The following ZFP91 variants were observed in gnomAD, a reference collection of about 807,000 sequenced individuals.
ZFP91 encodes the protein ZFP91 zinc finger protein, atypical E3 ubiquitin ligase.
A neutral mutation model predicts 63.5 loss-of-function variants in ZFP91; 7 were observed. The observed-to-expected ratio is 0.11, with a 90% CI of 0.06 to 0.21. The LOEUF (loss-of-function observed/expected upper bound fraction) is 0.21. ZFP91 is among the 10% of genes least tolerant of loss of function. The pLI is 1.00. For synonymous variants in ZFP91, 330 were observed against 272.1 expected, an observed-to-expected ratio of 1.21 and a Z score of -2.10; for missense variants, 628 against 736.6, an observed-to-expected ratio of 0.85 and a Z score of 1.71.
rs1565028667 is a variant in ZFP91 at position 58,619,653 on chromosome 11, A to G, written c.*1947A>G. 6.6e-6 allele frequency: 1 copy of G among 152,636 alleles called. No homozygotes were observed. The highest frequency in any genetic ancestry group is 1.9e-4 in the East Asian group (1 of 5,198). 9.5% of individuals were successfully genotyped at this position (152,636 alleles called of 1,614,324 possible). On this transcript the variant is annotated 3_prime_UTR_variant, in exon 11 of 11. Transcript: ENST00000316059. ...CCAGGGAACAGAGAGTGAGACACCT[A>G]CAATCACCAGTCTCAAATGCGCTAT... is the stretch of plus-strand genomic sequence containing the variant.
Position 58,617,533 on chromosome 11 carries a change from G to A in ZFP91, c.1540G>A (p.Gly514Arg), listed in dbSNP as rs1228680760. 6 of 1,613,938 alleles carry A rather than the reference G, an allele frequency of 3.7e-6. No homozygotes were observed. In the African/African-American group the frequency reaches 4.0e-5, roughly 11 times the overall value. ...SGECLLLEAE[G>R]MSKSYCSGTE... ...AGAGTGCCTACTGTTAGAAGCTGAA[G>A]GGATGTCAAAGTCATACTGCAGTGG... Residue 514 changes from glycine (G) to arginine (R), a missense_variant, in exon 11 of 11, where the codon GGG becomes AGG. Around this residue, in one of 3 missense-constraint regions of ZFP91, gnomAD observed 115 missense variants for 125.4 expected, o/e 0.92. Coordinates refer to ENST00000316059, the MANE Select transcript of ZFP91 (RefSeq NM_053023.5). This position sits in a 1 kb window ranked among gnomAD's most constrained non-coding sequence, Gnocchi z 4.2.
chr11:58,615,254 A>G (rs900981185), intron 9 of ZFP91, among the ~76,000 whole-genome samples: 2 of 151,984 alleles, frequency 1.3e-5, no homozygotes, highest in African/African-American at 4.8e-5. Flanking sequence ...CAAAGTCTAC[A>G]GTTTTCTTAT....
rs1341129060 is a variant in ZFP91, at chr11:58,610,973, A to C, written c.641A>C (p.Glu214Ala). 6.2e-7 allele frequency: 1 copy of C among 1,612,520 alleles called. No individual in the cohort carries two copies. The highest frequency in any genetic ancestry group is 1.3e-5 in the African/African-American group (1 of 74,906). The stretch of plus-strand genomic sequence containing the variant: ...AGTAGTGAAGAGGAAGAGGAGGAGG[A>C]AGAAGAGATGTTAATCAGTGAAGAG... Reference protein sequence around the residue: ...GISSEEEEEEEEEMLISEEEI... With the variant: ...GISSEEEEEEAEEMLISEEEI... Residue 214 changes from glutamate (E) to alanine (A), a missense_variant, in exon 5 of 11, where the codon GAA (glutamate) becomes GCA (alanine). By Grantham distance (107) the Glu-to-Ala change is moderately radical. Coordinates refer to ENST00000316059, the MANE Select transcript of ZFP91 (RefSeq NM_053023.5).
In ZFP91 at chr11:58,618,704, G is replaced by C. The variant is rs3168135; in HGVS notation, c.*998G>C. 2.2e-6 allele frequency: 1 copy of C among 456,536 alleles called. No homozygotes were observed. Among genetic ancestry groups the C allele is most frequent in the Non-Finnish European group, 4.4e-6 (1 of 226,878 alleles). 28.3% of individuals were successfully genotyped at this position (456,536 alleles called of 1,614,324 possible). A position where few individuals can be genotyped will look rare whatever the true frequency, so the allele number is the denominator to read the frequency against. ...CAAGACATAGGGTTGAAGAAGCACA[G>C]CCAGCCTCTGAAATCATAGCTCTCC... On this transcript the variant is annotated 3_prime_UTR_variant, in exon 11 of 11. Transcript: ENST00000316059.
chr11:58,595,349 C>T (rs1328779757), intron 2 of ZFP91, among the ~76,000 whole-genome samples: 3 of 152,038 alleles, frequency 2.0e-5, no homozygotes, highest in Non-Finnish European at 4.4e-5. Context: ...ATCAACTAAC[C>T]ACACCCTGTT....
At chr11:58,608,864 A>G (rs1246979241) in intron 2 of ZFP91, among the ~76,000 whole-genome samples, 3 of 152,134 alleles carry the variant, frequency 2.0e-5, no homozygotes, top group South Asian at 2.1e-4. Context: ...TGGCCACTCA[A>G]AGTGCTGGGA....
chr11:58,579,192 G>T lies in ZFP91; in HGVS notation c.-90G>T, dbSNP rs564987990. 3.5e-6 allele frequency: 4 copies of T among 1,136,008 alleles called. No individual in the cohort carries two copies. Among genetic ancestry groups the T allele is most frequent in the Non-Finnish European group, 4.6e-6 (4 of 865,158 alleles). 70.4% of individuals were successfully genotyped at this position (1,136,008 alleles called of 1,614,324 possible). A position where few individuals can be genotyped will look rare whatever the true frequency, so the allele number is the denominator to read the frequency against. ...AGGGTGAGAGTGAGCCGCAGGCTTC[G>T]GGAGGCGAGGGGGCGGGGGGAGCAG... On this transcript the variant is annotated 5_prime_UTR_variant, in exon 1 of 11. Transcript: ENST00000316059.
At position 58,618,204 on chromosome 11, in the gene ZFP91, G is replaced by C. The variant is rs1485760476; in HGVS notation, c.*498G>C. On this transcript the variant is annotated 3_prime_UTR_variant, in exon 11 of 11. Transcript: ENST00000316059. ...TCTAATCTCTGGAGGCTGGCAGCTT[G>C]ACTTGGCACTTTAGGGCCCCTTAGC... The C allele has an allele frequency of 6.4e-6, 1 of 156,738 alleles. No individual in the cohort carries two copies. Among genetic ancestry groups the C allele is most frequent in the Non-Finnish European group, 1.4e-5 (1 of 70,998 alleles). The allele number at this position is 156,738 out of a possible 1,614,324, so 9.7% of individuals were successfully genotyped here. A position where few individuals can be genotyped will look rare whatever the true frequency, so the allele number is the denominator to read the frequency against.
Position 58,611,128 on chromosome 11 carries a change from A to G in ZFP91, c.722+74A>G, listed in dbSNP as rs748099207. The G allele has an allele frequency of 6.6e-6, 9 of 1,356,592 alleles. No individual in the cohort carries two copies. In the East Asian group the frequency reaches 9.3e-5, roughly 14 times the overall value. 84.0% of individuals were successfully genotyped at this position (1,356,592 alleles called of 1,614,324 possible). A position where few individuals can be genotyped will look rare whatever the true frequency, so the allele number is the denominator to read the frequency against. ...AAGCACTGTTGCATGCTTTTATTTT[A>G]TCTGTTGCCAAGCTAATGGGTATAG... is the stretch of plus-strand genomic sequence containing the variant. On this transcript the variant is annotated intron_variant, in intron 5 of 10. Coordinates refer to ENST00000316059, the MANE Select transcript of ZFP91 (RefSeq NM_053023.5).
intron 2 of ZFP91, among the ~76,000 whole-genome samples, chr11:58,588,802 G>A (rs941717523): frequency 7.2e-5 from 11 of 151,740 alleles, no homozygotes; most frequent in Non-Finnish European, 2.9e-5. Context: ...ACATTTTTAT[G>A]CTTTTTTTCC....
intron 6 of ZFP91, 131 bp downstream of exon 6, chr11:58,611,869 T>A (rs902115143): frequency 8.0e-7 from 1 of 1,245,060 alleles, no homozygotes; most frequent in Non-Finnish European, 1.1e-6. Context: ...TTAAAAAAAT[T>A]TGGCCTCAAG....
chr11:58,614,414 C>G, intron 9 of ZFP91, 71 bp downstream of exon 9: 1 of 1,124,682 alleles, frequency 8.9e-7, no homozygotes, highest in Non-Finnish European at 1.3e-6. Flanking sequence ...GTAATGATAA[C>G]GTTTTTCTAA....
chr11:58,606,498 T>G (rs1379237859), intron 2 of ZFP91, among the ~76,000 whole-genome samples: 1 of 152,250 alleles, frequency 6.6e-6, no homozygotes, highest in Non-Finnish European at 1.5e-5. Context: ...CTTTAAACAT[T>G]GTTTTTTACA....
At chr11:58,612,938 A>G (rs1855691162) in intron 8 of ZFP91, 98 bp downstream of exon 8, 2 of 1,038,326 alleles carry the variant, frequency 1.9e-6, no homozygotes, top group African/African-American at 3.2e-5. Flanking sequence ...AGGCTTTATC[A>G]TTGACATGTA....
At position 58,618,347 on chromosome 11, in the gene ZFP91, A is replaced by G. The variant is rs1389672132; in HGVS notation, c.*641A>G. On this transcript the variant is annotated 3_prime_UTR_variant, in exon 11 of 11. Coordinates refer to ENST00000316059, the MANE Select transcript of ZFP91 (RefSeq NM_053023.5). The stretch of plus-strand genomic sequence containing the variant: ...CCCCCTTCTTTGATCCCAGCATCTC[A>G]GTCCCCCTCCCAACCCTCCATATGG... The G allele has an allele frequency of 4.9e-6, 1 of 204,454 alleles. No individual in the cohort carries two copies. The highest frequency in any genetic ancestry group is 1.5e-4 in the East Asian group (1 of 6,616). The allele number at this position is 204,454 out of a possible 1,614,324, so 12.7% of individuals were successfully genotyped here.
chr11:58,612,369 G>C (rs780636457), intron 7 of ZFP91, 41 bp downstream of exon 7: 4 of 1,595,910 alleles, frequency 2.5e-6, no homozygotes, highest in East Asian at 2.2e-5. Context: ...CCTTATTCCA[G>C]TACCAGGCAC....
chr11:58,612,829 C>G lies in ZFP91; in HGVS notation c.976C>G (p.Arg326Gly). ...ATGTGGAACTGTCCTTGCCCATCCT[C>G]GCTATTTGCAGGTCAGTGAAGTTGT... is the stretch of plus-strand genomic sequence containing the variant. ...EGCGTVLAHP[R>G]YLQHHIKYQH... Residue 326 changes from arginine (R) to glycine (G), a missense_variant, in exon 8 of 11, where the codon CGC becomes GGC. Transcript: ENST00000316059. 1 of 1,611,998 alleles carries G rather than the reference C, an allele frequency of 6.2e-7. No individual in the cohort carries two copies. The highest frequency in any genetic ancestry group is 8.5e-7 in the Non-Finnish European group (1 of 1,179,120).
chr11:58,611,578 G>A (rs748057374), intron 5 of ZFP91, 26 bp from the exon 6 acceptor site: 2 of 1,607,248 alleles, frequency 1.2e-6, no homozygotes, highest in Admixed American at 1.7e-5. Context: ...CTTTTGTCTA[G>A]TATTGAAATG....
chr11:58,617,090 GTGTGTGTGTA>G lies in ZFP91; in HGVS notation c.1203-102_1203-93del. 1 of 980,178 alleles carries G rather than the reference GTGTGTGTGTA, an allele frequency of 1.0e-6. No homozygotes were observed. The highest frequency in any genetic ancestry group is 1.5e-6 in the Non-Finnish European group (1 of 669,154). 60.7% of individuals were successfully genotyped at this position (980,178 alleles called of 1,614,324 possible). The stretch of plus-strand genomic sequence containing the variant: ...GATTATTGTGTGTGTGTGTGTGTGT[GTGTGTGTGTA>G]TGTATATATATGCTCTAAACTCTAA... On this transcript the variant is annotated intron_variant, in intron 10 of 10. Transcript: ENST00000316059. The surrounding 1 kb of genome is among the most constrained non-coding windows in gnomAD (Gnocchi z 4.2).
Sources: gnomAD v4.1 joint callset for allele counts (sites outside exome capture counted in the v4.1 genomes callset) on GRCh38, gnomAD v4.1.1 for gene constraint, gnomAD v4.1.1 regional missense constraint, Gnocchi (gnomAD v3.1) non-coding constraint, MANE v1.5 for transcripts, NCBI Gene and HGNC (gene_info 2026-07-23, HGNC 2026-07-21) for gene names.